Variants in PRR15L observed in about 807,000 individuals in gnomAD.
PRR15L encodes proline rich 15 like.
Under a neutral mutation model 3.7 loss-of-function variants are expected in PRR15L, and 1 was observed. That is an observed-to-expected ratio of 0.27 (90% CI 0.09 to 1.27). The LOEUF (loss-of-function observed/expected upper bound fraction) is 1.27, where lower values mean the gene tolerates loss of function less well. PRR15L is among the 50% of genes most tolerant of loss of function. The pLI is 0.47. For missense variants in PRR15L, 127 were observed against 128.7 expected, an observed-to-expected ratio of 0.99 and a Z score of 0.06; for synonymous variants, 57 against 51.9, an observed-to-expected ratio of 1.10 and a Z score of -0.42.
intron 1 of PRR15L, among the ~76,000 whole-genome samples, chr17:47,957,339 G>A (rs1183797231): frequency 1.3e-5 from 2 of 152,264 alleles, no homozygotes; most frequent in African/African-American, 2.4e-5. Context: ...CACTTAGGGG[G>A]CCTGCAGGAT....
intron 1 of PRR15L, among the ~76,000 whole-genome samples, chr17:47,955,534 C>T (rs1281224836): frequency 6.6e-6 from 1 of 151,900 alleles, no homozygotes; most frequent in East Asian, 1.9e-4. Context: ...TAGCTGGGCT[C>T]AAGTAGCAAG....
chr17:47,957,433 G>T (rs1195901195), intron 1 of PRR15L, among the ~76,000 whole-genome samples: 1 of 152,226 alleles, frequency 6.6e-6, no homozygotes, highest in African/African-American at 2.4e-5. Context: ...GGTCAGAAGG[G>T]TGGGCTCCAG....
intron 1 of PRR15L, among the ~76,000 whole-genome samples, chr17:47,956,912 G>A (rs747809825): frequency 6.6e-6 from 1 of 152,222 alleles, no homozygotes; most frequent in African/African-American, 2.4e-5. Flanking sequence ...CAGTTAGCTC[G>A]TGCAGGTTCC....
intron 1 of PRR15L, among the ~76,000 whole-genome samples, 199 bp from the exon 2 acceptor site, chr17:47,953,462 A>T (rs2036095480): frequency 6.6e-6 from 1 of 152,044 alleles, no homozygotes. Flanking sequence ...AGTTCAAGAC[A>T]GGCCTGGCCA....
At chr17:47,957,171 C>T (rs1392765914) in intron 1 of PRR15L, among the ~76,000 whole-genome samples, 1 of 152,248 alleles carries the variant, frequency 6.6e-6, no homozygotes, top group African/African-American at 2.4e-5. Context: ...GGGCTTTGCC[C>T]AGACTGAGCC....
In PRR15L at chr17:47,952,589, C is replaced by T. The variant is rs2036078538; in HGVS notation, c.*334G>A. ...TGTCCAGTAAGGAGGTGAAGTCTGT[C>T]TGGCTCACTCTCTCCATTCCCTGCC... On this transcript the variant is annotated 3_prime_UTR_variant, in exon 2 of 2. Transcript: ENST00000300557. 1.3e-5 allele frequency: 3 copies of T among 235,404 alleles called. No individual in the cohort carries two copies. Among genetic ancestry groups the T allele is most frequent in the Non-Finnish European group, 2.4e-5 (3 of 124,136 alleles). The allele number at this position is 235,404 out of a possible 1,614,324, so 14.6% of individuals were successfully genotyped here.
chr17:47,951,991 T>C lies in PRR15L; in HGVS notation c.*932A>G, dbSNP rs1258987696. On this transcript the variant is annotated 3_prime_UTR_variant, in exon 2 of 2. Coordinates refer to ENST00000300557, the MANE Select transcript of PRR15L (RefSeq NM_024320.4). ...GTTTGAGCACAAAGGTCCACTTTAC[T>C]TACATGAAGGAACATAAAGGCATGA... is the stretch of plus-strand genomic sequence containing the variant. The C allele has an allele frequency of 1.3e-5, 2 of 152,180 alleles. No individual in the cohort carries two copies. The highest frequency in any genetic ancestry group is 1.3e-4 in the Admixed American group (2 of 15,276). 9.4% of individuals were successfully genotyped at this position (152,180 alleles called of 1,614,324 possible).
intron 1 of PRR15L, among the ~76,000 whole-genome samples, chr17:47,955,726 C>G (rs2036120892): frequency 1.3e-5 from 2 of 152,030 alleles, no homozygotes; most frequent in Non-Finnish European, 1.5e-5. Flanking sequence ...ACTTAGTGTT[C>G]CAGAATGGGT....
Position 47,952,934 on chromosome 17 carries a change from A to C in PRR15L, c.301T>G (p.Ser101Ala), listed in dbSNP as rs1176764686. ...NLFDDHEEGR[S>A]SK ...CCCTCCTCAGCCCTTCACTTTGATG[A>C]CCGTCCTTCCTCGTGATCATCAAAG... Residue 101 changes from serine to alanine, a missense_variant, in exon 2 of 2, where the codon TCA becomes GCA. Transcript: ENST00000300557. 6.2e-7 allele frequency: 1 copy of C among 1,612,826 alleles called. No individual in the cohort carries two copies. The highest frequency in any genetic ancestry group is 8.5e-7 in the Non-Finnish European group (1 of 1,179,316).
chr17:47,956,361 A>G (rs1386818964), intron 1 of PRR15L, among the ~76,000 whole-genome samples: 1 of 152,146 alleles, frequency 6.6e-6, no homozygotes, highest in African/African-American at 2.4e-5. Context: ...AGTCCCAGCT[A>G]CTCGGGAGGC....
At chr17:47,953,519 C>T (rs766251957) in intron 1 of PRR15L, among the ~76,000 whole-genome samples, 2 of 151,850 alleles carry the variant, frequency 1.3e-5, no homozygotes, top group Admixed American at 6.6e-5. Context: ...ATTAGCTGGG[C>T]GTAGTGGCAC....
chr17:47,955,089 C>A (rs2036114013), intron 1 of PRR15L, among the ~76,000 whole-genome samples: 1 of 151,976 alleles, frequency 6.6e-6, no homozygotes, highest in Admixed American at 6.6e-5. Context: ...GCCACCACGC[C>A]CGGCTAATTT....
intron 1 of PRR15L, among the ~76,000 whole-genome samples, chr17:47,954,426 C>A (rs1368089196): frequency 2.0e-5 from 3 of 152,176 alleles, no homozygotes; most frequent in Non-Finnish European, 4.4e-5. Context: ...GGAAGGGGAG[C>A]TAAAAAGGCA....
At chr17:47,957,452 G>T (rs1037415669) in intron 1 of PRR15L, among the ~76,000 whole-genome samples, 1 of 152,228 alleles carries the variant, frequency 6.6e-6, no homozygotes, top group African/African-American at 2.4e-5. Flanking sequence ...AGTTCAGCAA[G>T]GGTTAACAGA....
chr17:47,953,520 G>T (rs34416972), intron 1 of PRR15L, among the ~76,000 whole-genome samples: 3 of 151,968 alleles, frequency 2.0e-5, no homozygotes, highest in Non-Finnish European at 2.9e-5. Context: ...TTAGCTGGGC[G>T]TAGTGGCACG....
At chr17:47,953,740 T>A (rs2036099153) in intron 1 of PRR15L, among the ~76,000 whole-genome samples, 2 of 151,402 alleles carry the variant, frequency 1.3e-5, no homozygotes, top group African/African-American at 4.9e-5. Context: ...AAGATTCAGG[T>A]CAGTGGGGTG....
chr17:47,957,103 C>T (rs1459302802), intron 1 of PRR15L, among the ~76,000 whole-genome samples: 1 of 152,266 alleles, frequency 6.6e-6, no homozygotes, highest in Admixed American at 6.5e-5. Flanking sequence ...ATAGCATGCA[C>T]ATGGGTGTCC....
chr17:47,956,284 G>C (rs1056047799), intron 1 of PRR15L, among the ~76,000 whole-genome samples: 1 of 152,160 alleles, frequency 6.6e-6, no homozygotes, highest in Non-Finnish European at 1.5e-5. Context: ...CCAACATGGG[G>C]GAACCCCATC....
chr17:47,953,618 C>T (rs1367123944), intron 1 of PRR15L, among the ~76,000 whole-genome samples: 1 of 148,760 alleles, frequency 6.7e-6, no homozygotes, highest in Non-Finnish European at 1.5e-5. Context: ...GAGATCATGC[C>T]ACTGCACTCC....
Sources: allele counts gnomAD v4.1 joint callset (sites outside exome capture counted in the v4.1 genomes callset), GRCh38; gene constraint gnomAD v4.1.1; transcripts MANE v1.5; gene names NCBI Gene and HGNC (gene_info 2026-07-23, HGNC 2026-07-21).